The following MOB3B variants were observed in gnomAD, a reference collection of about 807,000 sequenced individuals.
MOB3B encodes MOB kinase activator-like 2B.
Under a neutral mutation model 18.7 loss-of-function variants are expected in MOB3B, and 7 were observed. The ratio of observed to expected loss-of-function variants is 0.37; its 90% CI spans 0.21 to 0.70. MOB3B has a LOEUF of 0.70. MOB3B is among the 30% of genes least tolerant of loss of function. MOB3B has a pLI of 0.52. For missense variants in MOB3B, 253 were observed against 281.3 expected (o/e 0.90, Z 0.72); for synonymous variants, 111 against 99.9 (o/e 1.11, Z -0.66).
At chr9:27,471,938 T>C (rs1325937252) in intron 1 of MOB3B, among the ~76,000 whole-genome samples, 1 of 152,218 alleles carries the variant, frequency 6.6e-6, no homozygotes, top group East Asian at 1.9e-4. Flanking sequence ...TGGCACACTG[T>C]AGGCCAGAAA....
chr9:27,349,693 C>T (rs1004058076), intron 3 of MOB3B, among the ~76,000 whole-genome samples: 1 of 152,156 alleles, frequency 6.6e-6, no homozygotes, highest in African/African-American at 2.4e-5. Flanking sequence ...CAACAGCTCC[C>T]CTAAGATACT....
chr9:27,461,232 G>T (rs576371565), intron 1 of MOB3B, among the ~76,000 whole-genome samples: 1 of 152,122 alleles, frequency 6.6e-6, no homozygotes, highest in East Asian at 1.9e-4. Context: ...ATTTTAGAGG[G>T]GTGTATGTAT....
intron 1 of MOB3B, among the ~76,000 whole-genome samples, chr9:27,490,241 C>A (rs1249525036): frequency 6.6e-6 from 1 of 152,088 alleles, no homozygotes; most frequent in Admixed American, 6.5e-5. Context: ...GAGGACCTAC[C>A]ACGTATCAGG....
chr9:27,425,912 TAAGG>T (rs1365463338), intron 2 of MOB3B, among the ~76,000 whole-genome samples: 1 of 151,968 alleles, frequency 6.6e-6, no homozygotes, highest in Non-Finnish European at 1.5e-5. Context: ...AAGTCATAGG[TAAGG>T]AAGGAAGAGT....
intron 1 of MOB3B, among the ~76,000 whole-genome samples, chr9:27,466,451 T>A (rs758672591): frequency 3.3e-5 from 5 of 152,212 alleles, no homozygotes; most frequent in Non-Finnish European, 7.3e-5. Flanking sequence ...CCCTTCACAT[T>A]GTTCCAACCT....
chr9:27,355,690 G>T (rs1821179749), intron 3 of MOB3B, among the ~76,000 whole-genome samples: 1 of 151,818 alleles, frequency 6.6e-6, no homozygotes, highest in Non-Finnish European at 1.5e-5. Context: ...CTCCCGAGTG[G>T]CTGGGACTAC....
rs536641380 is a variant in MOB3B, at chr9:27,328,361, T to C, written c.*2226A>G. ...AGATTTTCTTCAGAATGTGCCAAAGTTCTGTGGGAACAGGAATATTCTGTG... is the reference window on the plus strand; with the variant it reads ...AGATTTTCTTCAGAATGTGCCAAAGCTCTGTGGGAACAGGAATATTCTGTG... On this transcript the variant is annotated 3_prime_UTR_variant, in exon 4 of 4. Coordinates refer to ENST00000262244, the MANE Select transcript of MOB3B (RefSeq NM_024761.5). 3 of 151,512 alleles carry C rather than the reference T, an allele frequency of 2.0e-5. No homozygotes were observed. Among genetic ancestry groups the C allele is most frequent in the Admixed American group, 2.0e-4 (3 of 15,176 alleles). 9.4% of individuals were successfully genotyped at this position (151,512 alleles called of 1,614,324 possible). A position where few individuals can be genotyped will look rare whatever the true frequency, so the allele number is the denominator to read the frequency against.
chr9:27,488,883 A>C (rs1587252001), intron 1 of MOB3B, among the ~76,000 whole-genome samples: 1 of 152,236 alleles, frequency 6.6e-6, no homozygotes, highest in East Asian at 1.9e-4. Flanking sequence ...ATGTTGTGCC[A>C]GGGCTGACAA....
At chr9:27,529,267 A>G (rs1446643113) in intron 1 of MOB3B, among the ~76,000 whole-genome samples, 1 of 122,792 alleles carries the variant, frequency 8.1e-6, no homozygotes, top group Non-Finnish European at 2.0e-5. Flanking sequence ...ATCTTTTCAA[A>G]TCAAGGACAA....
At position 27,359,046 on chromosome 9, in the gene MOB3B, C is replaced by A; in HGVS notation, c.609G>T (p.Glu203Asp). 3 of 1,614,192 alleles carry A rather than the reference C, an allele frequency of 1.9e-6. No individual in the cohort carries two copies. The highest frequency in any genetic ancestry group is 2.5e-6 in the Non-Finnish European group (3 of 1,180,030). Reference protein sequence around the residue: ...VTEMNLIDRKELEPLKEMTSR... With the variant: ...VTEMNLIDRKDLEPLKEMTSR... ...TGGTGTCACTTACCAAAGGCTCTAG[C>A]TCCTTGCGGTCTATGAGGTTCATCT... Residue 203 changes from glutamate to aspartate, a missense_variant, in exon 3 of 4, where the codon GAG becomes GAT. By Grantham distance (45) the Glu-to-Asp change is conservative. Transcript: ENST00000262244.
chr9:27,486,582 G>A (rs553343815), intron 1 of MOB3B, among the ~76,000 whole-genome samples: 2 of 152,234 alleles, frequency 1.3e-5, no homozygotes, highest in South Asian at 2.1e-4. Context: ...TTTCATATTC[G>A]ATTAAAACTT....
At chr9:27,518,697 C>A (rs1012487257) in intron 1 of MOB3B, among the ~76,000 whole-genome samples, 1 of 152,068 alleles carries the variant, frequency 6.6e-6, no homozygotes, top group Non-Finnish European at 1.5e-5. Context: ...CAAAGAGCCC[C>A]TCTAAGGTTG....
intron 1 of MOB3B, among the ~76,000 whole-genome samples, chr9:27,462,681 A>C (rs1819312241): frequency 6.6e-6 from 1 of 152,178 alleles, no homozygotes; most frequent in African/African-American, 2.4e-5. Flanking sequence ...AAAAGTCTTA[A>C]AGGAAAAAGG....
chr9:27,491,689 T>C (rs553559526), intron 1 of MOB3B, among the ~76,000 whole-genome samples: 3 of 152,252 alleles, frequency 2.0e-5, no homozygotes, highest in African/African-American at 4.8e-5. Context: ...CTGGCTAACA[T>C]GGTGAAACCC....
At chr9:27,485,197 A>G (rs1265484764) in intron 1 of MOB3B, among the ~76,000 whole-genome samples, 1 of 152,216 alleles carries the variant, frequency 6.6e-6, no homozygotes, top group East Asian at 1.9e-4. Context: ...AATCCTCGAA[A>G]CAACCCATGA....
chr9:27,455,124 T>C lies in MOB3B; in HGVS notation c.418+9A>G, dbSNP rs186059316. 2.5e-4 allele frequency: 397 copies of C among 1,614,034 alleles called. 2 individuals are homozygous for C. The African/African-American group carries it at 3.1e-3, about 13-fold the overall frequency. ...TGACAAAAAAACTGAGAGCTGGTAA[T>C]GAACTTACCCACGCATGTTGGAAAT... On this transcript the variant is annotated intron_variant, in intron 2 of 3. Coordinates refer to ENST00000262244, the MANE Select transcript of MOB3B (RefSeq NM_024761.5).
chr9:27,455,272 G>T lies in MOB3B; in HGVS notation c.279C>A (p.Gly93=), dbSNP rs760981749. Residue 93 remains glycine (G), a synonymous_variant, in exon 2 of 4, where the codon GGC becomes GGA. Transcript: ENST00000262244. ...TERTCPVMSG[G]PKYEYRWQDD... ...CCTGCCACCGATACTCATATTTGGGGCCCCCTGACATCACAGGACAGGTCC... is the reference window on the plus strand; with the variant it reads ...CCTGCCACCGATACTCATATTTGGGTCCCCCTGACATCACAGGACAGGTCC... The T allele has an allele frequency of 3.1e-6, 5 of 1,613,948 alleles. No individual in the cohort carries two copies. Among genetic ancestry groups the T allele is most frequent in the Non-Finnish European group, 4.2e-6 (5 of 1,179,940 alleles).
intron 2 of MOB3B, among the ~76,000 whole-genome samples, chr9:27,362,465 A>T (rs151318927): frequency 4.6e-5 from 7 of 152,214 alleles, no homozygotes; most frequent in African/African-American, 1.7e-4. Context: ...AGTAAGTTCA[A>T]CTTTCATTAT....
At chr9:27,435,034 A>G (rs1822476632) in intron 2 of MOB3B, among the ~76,000 whole-genome samples, 2 of 148,842 alleles carry the variant, frequency 1.3e-5, no homozygotes, top group Admixed American at 1.3e-4. Context: ...GGAAAATACC[A>G]TTTGTAAGGT....
Sources: gnomAD v4.1 joint callset for allele counts (sites outside exome capture counted in the v4.1 genomes callset) on GRCh38, gnomAD v4.1.1 for gene constraint, MANE v1.5 for transcripts, NCBI Gene and HGNC (gene_info 2026-07-23, HGNC 2026-07-21) for gene names.